Variants in CES5A observed in about 807,000 individuals in gnomAD.
The protein encoded by CES5A is carboxylesterase 5A.
A neutral mutation model predicts 62.9 loss-of-function variants in CES5A; 67 were observed. That is an observed-to-expected ratio of 1.07 (90% CI 0.88 to 1.31). CES5A has a LOEUF of 1.31. Ranked by LOEUF, CES5A falls within the 50% of genes most tolerant of loss-of-function variation. CES5A has a pLI of 0.00. For missense variants in CES5A, 748 were observed against 708.5 expected (o/e 1.06, Z -0.63); for synonymous variants, 296 against 280.8 (o/e 1.05, Z -0.54).
At chr16:55,864,080 C>G (rs1455557470) in intron 5 of CES5A, among the ~76,000 whole-genome samples, 1 of 152,074 alleles carries the variant, frequency 6.6e-6, no homozygotes. Context: ...CGGTTCACTC[C>G]CCTGTAAAAC....
chr16:55,865,266 T>C (rs1200989673), intron 5 of CES5A, among the ~76,000 whole-genome samples: 1 of 152,014 alleles, frequency 6.6e-6, no homozygotes, highest in Non-Finnish European at 1.5e-5. Flanking sequence ...TAAAATACAC[T>C]ATACAAATAT....
intron 2 of CES5A, among the ~76,000 whole-genome samples, chr16:55,947,501 C>G (rs1438279235): frequency 1.3e-5 from 2 of 152,108 alleles, no homozygotes; most frequent in African/African-American, 4.8e-5. Context: ...GAACAAAACA[C>G]TTCTCATAAA....
chr16:55,890,908 T>C (rs1473271537), intron 1 of CES5A, among the ~76,000 whole-genome samples: 1 of 152,178 alleles, frequency 6.6e-6, no homozygotes, highest in South Asian at 2.1e-4. Flanking sequence ...AATCAATATG[T>C]CAATATGTTC....
chr16:55,861,751 A>G (rs2033356049), intron 6 of CES5A, among the ~76,000 whole-genome samples: 1 of 152,102 alleles, frequency 6.6e-6, no homozygotes, highest in African/African-American at 2.4e-5. Flanking sequence ...TAAACACCAC[A>G]GCTGGAGATG....
upstream of CES5A, among the ~76,000 whole-genome samples, chr16:55,878,565 C>T (rs2033722364): frequency 6.6e-6 from 1 of 151,468 alleles, no homozygotes. Context: ...AACCCCACTG[C>T]TACCCCATCA....
chr16:55,851,369 C>A (rs2033129989), intron 10 of CES5A, among the ~76,000 whole-genome samples: 1 of 152,042 alleles, frequency 6.6e-6, no homozygotes, highest in Non-Finnish European at 1.5e-5. Flanking sequence ...ATACAAATGT[C>A]CAATAAGCAC....
chr16:55,853,701 G>A (rs1322802030), intron 9 of CES5A, among the ~76,000 whole-genome samples: 53 of 152,240 alleles, frequency 3.5e-4, no homozygotes, highest in African/African-American at 1.1e-3. Context: ...ATTGCTGAGC[G>A]CCTTAATAGG....
chr16:55,867,088 C>G (rs1296057952), intron 4 of CES5A, among the ~76,000 whole-genome samples: 1 of 152,098 alleles, frequency 6.6e-6, no homozygotes, highest in African/African-American at 2.4e-5. Flanking sequence ...TGAGGGTGGG[C>G]TAGAGAGAGA....
intron 1 of CES5A, among the ~76,000 whole-genome samples, chr16:55,880,660 C>T (rs1044064182): frequency 9.2e-5 from 14 of 152,168 alleles, no homozygotes; most frequent in Admixed American, 7.9e-4. Context: ...CAGTGGTGGA[C>T]TGGGATGTGG....
At chr16:55,895,985 G>A (rs2033928443) in intron 1 of CES5A, among the ~76,000 whole-genome samples, 1 of 152,138 alleles carries the variant, frequency 6.6e-6, no homozygotes, top group African/African-American at 2.4e-5. Context: ...TTCAAGACGA[G>A]TTTAGCTTCC....
intron 4 of CES5A, among the ~76,000 whole-genome samples, chr16:55,866,676 AAAT>A (rs537291140): frequency 0.022 from 3,064 of 138,546 alleles, 129 homozygotes; most frequent in African/African-American, 0.058. Flanking sequence ...AAAAAAAAAA[AAAT>A]ACAAAAAAAT....
At chr16:55,915,794 C>T (rs182605622) in intron 1 of CES5A, among the ~76,000 whole-genome samples, 5 of 152,244 alleles carry the variant, frequency 3.3e-5, no homozygotes, top group Non-Finnish European at 5.9e-5. Context: ...GATTCTCTCC[C>T]GTTTGCATGA....
intron 1 of CES5A, among the ~76,000 whole-genome samples, chr16:55,906,180 C>A (rs55745132): frequency 6.6e-6 from 1 of 152,094 alleles, no homozygotes; most frequent in Non-Finnish European, 1.5e-5. Flanking sequence ...GCACACATTC[C>A]CTGGTAACCA....
upstream of CES5A, chr16:55,875,397 A>G (rs141011121): frequency 7.2e-7 from 1 of 1,386,990 alleles, no homozygotes; most frequent in South Asian, 1.7e-5. Flanking sequence ...TTGACTAAGC[A>G]AGACTTTCCT....
chr16:55,900,263 A>T (rs1317712088), intron 1 of CES5A, among the ~76,000 whole-genome samples: 2 of 152,208 alleles, frequency 1.3e-5, no homozygotes, highest in African/African-American at 4.8e-5. Context: ...GATGATATTC[A>T]TTCAGACTCA....
chr16:55,878,867 C>A (rs1344268318), upstream of CES5A, among the ~76,000 whole-genome samples: 1 of 149,430 alleles, frequency 6.7e-6, no homozygotes, highest in African/African-American at 2.5e-5. Context: ...TCACTGCATC[C>A]CACCACTGCA....
At chr16:55,906,198 A>C (rs1329110119) in intron 1 of CES5A, among the ~76,000 whole-genome samples, 1 of 152,250 alleles carries the variant, frequency 6.6e-6, no homozygotes, top group Non-Finnish European at 1.5e-5. Context: ...CCAGAAAGAC[A>C]CTTAGGCTTA....
intron 9 of CES5A, 56 bp downstream of exon 9, chr16:55,856,321 G>A (rs2033241888): frequency 2.0e-6 from 3 of 1,525,964 alleles, no homozygotes; most frequent in Non-Finnish European, 2.7e-6. Flanking sequence ...TGTGACCTAG[G>A]GCTATCTGTT....
At chr16:55,936,006 A>C (rs555554096) in intron 2 of CES5A, among the ~76,000 whole-genome samples, 1 of 152,292 alleles carries the variant, frequency 6.6e-6, no homozygotes, top group South Asian at 2.1e-4. Context: ...CAATCTGTAG[A>C]TGGGTCTTTA....
Sources: allele counts gnomAD v4.1 joint callset (sites outside exome capture counted in the v4.1 genomes callset), GRCh38; gene constraint gnomAD v4.1.1; transcripts MANE v1.5; gene names NCBI Gene and HGNC (gene_info 2026-07-23, HGNC 2026-07-21).